PARD3: variants seen among roughly 807,000 people sequenced by gnomAD.
PARD3 encodes the protein par-3 family cell polarity regulator.
PARD3 carries 75 observed loss-of-function variants against 155.4 expected under a neutral mutation model. The observed-to-expected ratio is 0.48, with a 90% confidence interval of 0.40 to 0.58. The LOEUF is 0.58. Ranked by LOEUF, PARD3 falls within the 20% of genes least tolerant of loss-of-function variation. The pLI is 0.00. For missense variants in PARD3, 1,642 were observed against 1,721.7 expected (o/e 0.95, Z 0.82); for synonymous variants, 576 against 610.5 (o/e 0.94, Z 0.83).
chr10:34,800,990 C>T (rs917714682), intron 1 of PARD3, among the ~76,000 whole-genome samples: 1 of 152,148 alleles, frequency 6.6e-6, no homozygotes, highest in African/African-American at 2.4e-5. Context: ...GACTAAAATC[C>T]CCCCTATCAA....
intron 18 of PARD3, 120 bp from the exon 19 acceptor site, chr10:34,331,464 T>C (rs1414685839): frequency 1.7e-6 from 1 of 588,886 alleles, no homozygotes; most frequent in East Asian, 2.8e-5. Context: ...AGTTCTGGAA[T>C]GCAGATGGAA....
chr10:34,161,245 G>GAAAAA (rs373658384), intron 22 of PARD3, among the ~76,000 whole-genome samples: 16 of 118,576 alleles, frequency 1.3e-4, no homozygotes, highest in African/African-American at 2.4e-4. Flanking sequence ...ACCCTGTCTT[G>GAAAAA]AAAAAAAAAA....
intron 5 of PARD3, among the ~76,000 whole-genome samples, chr10:34,448,362 C>T (rs1427263198): frequency 6.6e-6 from 1 of 150,576 alleles, no homozygotes. Flanking sequence ...TAACAGAGTA[C>T]GATGGCAGTT....
intron 2 of PARD3, among the ~76,000 whole-genome samples, chr10:34,650,785 C>T (rs529821670): frequency 6.6e-6 from 1 of 152,078 alleles, no homozygotes; most frequent in African/African-American, 2.4e-5. Flanking sequence ...GCCGAGGTGG[C>T]CGGATCACCT....
chr10:34,273,343 T>C (rs1208174895), intron 21 of PARD3, among the ~76,000 whole-genome samples: 2 of 152,154 alleles, frequency 1.3e-5, no homozygotes, highest in African/African-American at 4.8e-5. Context: ...ATACAGCAAC[T>C]TGAATCTGTC....
chr10:34,253,847 C>T (rs939436434), intron 22 of PARD3, among the ~76,000 whole-genome samples: 7 of 152,130 alleles, frequency 4.6e-5, no homozygotes, highest in Non-Finnish European at 8.8e-5. Flanking sequence ...ACTAGGTCAG[C>T]ATGTTGTCAC....
At chr10:34,802,618 A>G (rs1842926122) in intron 1 of PARD3, among the ~76,000 whole-genome samples, 1 of 152,174 alleles carries the variant, frequency 6.6e-6, no homozygotes, top group Non-Finnish European at 1.5e-5. Flanking sequence ...CATTATGGAC[A>G]TGTTTGGAGC....
At chr10:34,745,120 G>C (rs1835137321) in intron 1 of PARD3, among the ~76,000 whole-genome samples, 1 of 152,186 alleles carries the variant, frequency 6.6e-6, no homozygotes. Flanking sequence ...TCAGTGCTTT[G>C]GGAGGCCAAG....
intron 22 of PARD3, among the ~76,000 whole-genome samples, chr10:34,234,894 A>G (rs1279644439): frequency 6.6e-6 from 1 of 152,238 alleles, no homozygotes; most frequent in Non-Finnish European, 1.5e-5. Context: ...TTTCTTATAA[A>G]AATGATTTTG....
At chr10:34,584,697 T>G (rs2087839012) in intron 2 of PARD3, among the ~76,000 whole-genome samples, 1 of 152,160 alleles carries the variant, frequency 6.6e-6, no homozygotes, top group African/African-American at 2.4e-5. Flanking sequence ...TTTGAAAACT[T>G]CCATTACTGC....
At chr10:34,536,644 T>C (rs563154296) in intron 2 of PARD3, among the ~76,000 whole-genome samples, 1 of 152,202 alleles carries the variant, frequency 6.6e-6, no homozygotes, top group Non-Finnish European at 1.5e-5. Flanking sequence ...CCTGAAAACA[T>C]CTCACAATCT....
chr10:34,354,272 G>T (rs1160578140), intron 14 of PARD3, among the ~76,000 whole-genome samples: 1 of 152,050 alleles, frequency 6.6e-6, no homozygotes, highest in Non-Finnish European at 1.5e-5. Flanking sequence ...CAGCTACTTG[G>T]GAGGCTGAGG....
At chr10:34,337,783 A>G (rs956878111) in intron 16 of PARD3, among the ~76,000 whole-genome samples, 5 of 152,250 alleles carry the variant, frequency 3.3e-5, no homozygotes, top group Admixed American at 2.6e-4. Context: ...AACCTGTCAT[A>G]TATTATATAC....
intron 2 of PARD3, among the ~76,000 whole-genome samples, chr10:34,680,756 T>C (rs1226737146): frequency 6.9e-6 from 1 of 144,900 alleles, no homozygotes; most frequent in African/African-American, 2.6e-5. Flanking sequence ...ACACCACATA[T>C]TCTCACTCAT....
At chr10:34,419,718 T>G (rs745814726) in intron 5 of PARD3, among the ~76,000 whole-genome samples, 2 of 152,164 alleles carry the variant, frequency 1.3e-5, no homozygotes, top group Non-Finnish European at 2.9e-5. Flanking sequence ...ATACAATATT[T>G]CACCCTACAT....
intron 23 of PARD3, among the ~76,000 whole-genome samples, chr10:34,122,348 G>T (rs969192061): frequency 6.6e-6 from 1 of 152,156 alleles, no homozygotes; most frequent in Non-Finnish European, 1.5e-5. Flanking sequence ...AGAGAAAAAA[G>T]AAGTTGAAGG....
At chr10:34,770,563 G>A (rs962207939) in intron 1 of PARD3, among the ~76,000 whole-genome samples, 4 of 152,132 alleles carry the variant, frequency 2.6e-5, no homozygotes, top group African/African-American at 9.7e-5. Flanking sequence ...AAACTCTTGC[G>A]CTGGACCTGC....
At chr10:34,175,581 C>T (rs1208244953) in intron 22 of PARD3, among the ~76,000 whole-genome samples, 2 of 152,038 alleles carry the variant, frequency 1.3e-5, no homozygotes, top group Non-Finnish European at 2.9e-5. Flanking sequence ...AATATATTTT[C>T]ACCTGGGGAA....
intron 20 of PARD3, among the ~76,000 whole-genome samples, chr10:34,297,018 C>T (rs111712922): frequency 0.014 from 2,084 of 152,226 alleles, 21 homozygotes; most frequent in Middle Eastern, 0.034. Flanking sequence ...ATTAAAACAC[C>T]ATGATAAACA....
Sources: gnomAD v4.1 joint callset for allele counts (sites outside exome capture counted in the v4.1 genomes callset) on GRCh38, gnomAD v4.1.1 for gene constraint, MANE v1.5 for transcripts, NCBI Gene and HGNC (gene_info 2026-07-23, HGNC 2026-07-21) for gene names.